The following ENTREP2 variants were observed in gnomAD, a reference collection of about 807,000 sequenced individuals.
ENTREP2 encodes the protein endosomal transmembrane epsin interactor 2.
chr15:29,526,776 G>C, the ENTREP2 span, among the ~76,000 whole-genome samples: 5 of 151,962 alleles, frequency 3.3e-5, no homozygotes, highest in Admixed American at 1.3e-4. Flanking sequence ...AGCCTGGAAA[G>C]GATCATGTTT....
the ENTREP2 span, among the ~76,000 whole-genome samples, chr15:29,553,877 T>A: frequency 6.6e-6 from 1 of 152,124 alleles, no homozygotes; most frequent in Non-Finnish European, 1.5e-5. Flanking sequence ...CACAATCACA[T>A]GAGACCTCAA....
At chr15:29,534,105 CCAAA>C in the ENTREP2 span, among the ~76,000 whole-genome samples, 3 of 58,642 alleles carry the variant, frequency 5.1e-5, no homozygotes, top group African/African-American at 2.3e-4. Flanking sequence ...TGCCCCTTGG[CCAAA>C]AAAAAAAAAA....
the ENTREP2 span, among the ~76,000 whole-genome samples, chr15:29,363,868 G>A: frequency 6.6e-6 from 1 of 152,042 alleles, no homozygotes; most frequent in African/African-American, 2.4e-5. Flanking sequence ...ACCACTCCGG[G>A]GACAGCATCA....
At chr15:29,308,487 T>C in the ENTREP2 span, among the ~76,000 whole-genome samples, 1 of 152,314 alleles carries the variant, frequency 6.6e-6, no homozygotes, top group East Asian at 1.9e-4. Context: ...AGGGAGACCC[T>C]GTCCTGGGCG....
At chr15:29,520,606 A>G in the ENTREP2 span, among the ~76,000 whole-genome samples, 5 of 152,196 alleles carry the variant, frequency 3.3e-5, no homozygotes, top group African/African-American at 1.2e-4. Context: ...TAGAAGAATA[A>G]AAGAGTAATC....
chr15:29,334,699 C>T, the ENTREP2 span, among the ~76,000 whole-genome samples: 2 of 152,154 alleles, frequency 1.3e-5, no homozygotes, highest in Non-Finnish European at 2.9e-5. Context: ...TCTCGCACAC[C>T]GGCCGGCCTG....
At chr15:29,159,335 C>T in the ENTREP2 span, among the ~76,000 whole-genome samples, 1 of 152,280 alleles carries the variant, frequency 6.6e-6, no homozygotes, top group South Asian at 2.1e-4. Flanking sequence ...TGCAGACCTT[C>T]ACGGTGTTAC....
the ENTREP2 span, among the ~76,000 whole-genome samples, chr15:29,446,396 C>T: frequency 1.3e-5 from 2 of 151,992 alleles, no homozygotes; most frequent in Admixed American, 1.3e-4. Flanking sequence ...TTTTTTTTTC[C>T]TGGAACAGGT....
At chr15:29,165,789 G>A in the ENTREP2 span, among the ~76,000 whole-genome samples, 1 of 152,054 alleles carries the variant, frequency 6.6e-6, no homozygotes, top group Non-Finnish European at 1.5e-5. Flanking sequence ...CACAAGATAA[G>A]AGAAAGAAGG....
At chr15:29,630,919 G>T in the ENTREP2 span, among the ~76,000 whole-genome samples, 1 of 152,114 alleles carries the variant, frequency 6.6e-6, no homozygotes, top group African/African-American at 2.4e-5. Context: ...CTCACTTCAG[G>T]TGATCCCCCG....
At chr15:29,653,798 T>A in the ENTREP2 span, among the ~76,000 whole-genome samples, 1 of 151,118 alleles carries the variant, frequency 6.6e-6, no homozygotes. Context: ...TTATTCATGT[T>A]TTTTATTCTT....
chr15:29,279,433 C>T, the ENTREP2 span, among the ~76,000 whole-genome samples: 8 of 151,508 alleles, frequency 5.3e-5, no homozygotes, highest in South Asian at 1.0e-3. Flanking sequence ...GGTGCAATCT[C>T]GCCTCACTGC....
chr15:29,265,940 TA>T, the ENTREP2 span: 1 of 152,162 alleles, frequency 6.6e-6, no homozygotes, highest in African/African-American at 2.4e-5. Flanking sequence ...ATTTTAGGAT[TA>T]GGGGAATTTT....
chr15:29,617,278 C>T, the ENTREP2 span, among the ~76,000 whole-genome samples: 3 of 152,032 alleles, frequency 2.0e-5, no homozygotes, highest in Admixed American at 6.6e-5. Flanking sequence ...GGAATGCACA[C>T]GTCCAAGGGC....
At chr15:29,459,547 T>G in the ENTREP2 span, among the ~76,000 whole-genome samples, 1 of 152,202 alleles carries the variant, frequency 6.6e-6, no homozygotes, top group African/African-American at 2.4e-5. Context: ...GTACATGATG[T>G]TATATAAAGA....
the ENTREP2 span, among the ~76,000 whole-genome samples, chr15:29,513,015 A>G: frequency 2.7e-4 from 41 of 152,304 alleles, no homozygotes; most frequent in Middle Eastern, 3.4e-3. Flanking sequence ...AATCTCTCAT[A>G]TTCTTTAAAA....
the ENTREP2 span, among the ~76,000 whole-genome samples, chr15:29,364,908 T>C: frequency 2.0e-5 from 3 of 152,160 alleles, no homozygotes; most frequent in African/African-American, 7.2e-5. Flanking sequence ...CTGGTGAACC[T>C]ACATTGCCAC....
chr15:29,205,694 G>A, the ENTREP2 span, among the ~76,000 whole-genome samples: 1 of 152,172 alleles, frequency 6.6e-6, no homozygotes, highest in African/African-American at 2.4e-5. Context: ...AGCTGTAGGA[G>A]TTCTTTATAC....
chr15:29,427,860 G>T, the ENTREP2 span, among the ~76,000 whole-genome samples: 1 of 152,166 alleles, frequency 6.6e-6, no homozygotes, highest in Non-Finnish European at 1.5e-5. Flanking sequence ...CTTTGAACAA[G>T]AACCAGCAGA....
Sources: allele counts gnomAD v4.1 joint callset (sites outside exome capture counted in the v4.1 genomes callset), GRCh38; gene constraint gnomAD v4.1.1; transcripts MANE v1.5; gene names NCBI Gene and HGNC (gene_info 2026-07-23, HGNC 2026-07-21).